The following KIRREL3 variants were observed in gnomAD, a reference collection of about 807,000 sequenced individuals.
The protein encoded by KIRREL3 is kirre like nephrin family adhesion molecule 3, also known as kin of IRRE-like protein 3.
Under a neutral mutation model 89.7 loss-of-function variants are expected in KIRREL3, and 36 were observed. That is an observed-to-expected ratio of 0.40 (90% CI 0.31 to 0.53). The LOEUF is 0.53. KIRREL3 is among the 20% of genes least tolerant of loss of function. KIRREL3 has a pLI of 0.49. For missense variants in KIRREL3, 864 were observed against 1,056.6 expected, an observed-to-expected ratio of 0.82 and a Z score of 2.53; for synonymous variants, 445 against 441.4, an observed-to-expected ratio of 1.01 and a Z score of -0.10.
At chr11:126,483,186 A>C (rs1366180391) in intron 4 of KIRREL3, among the ~76,000 whole-genome samples, 1 of 152,166 alleles carries the variant, frequency 6.6e-6, no homozygotes. Flanking sequence ...AGGCCTTGCT[A>C]AGTTCTTCTG....
At position 126,615,887 on chromosome 11, in the gene KIRREL3, A is replaced by T. The variant is rs531048538; in HGVS notation, c.56-52975T>A. 6.6e-6 allele frequency among the ~76,000 whole-genome samples: 1 copy of T among 152,176 alleles called. No homozygotes were observed. Among genetic ancestry groups the T allele is most frequent in the Non-Finnish European group, 1.5e-5 (1 of 68,028 alleles). ...CTTGCCTGCATTAAGCCTTTTGGTC[A>T]TATGTCTGGGGAGCAGACTTCTTTG... On this transcript the variant is annotated intron_variant, in intron 1 of 16. Coordinates refer to ENST00000525144, the MANE Select transcript of KIRREL3 (RefSeq NM_032531.4). This position sits in a 1 kb window ranked among gnomAD's most constrained non-coding sequence, Gnocchi z 5.4.
rs1433223558 is a variant in KIRREL3 at position 126,987,826 on chromosome 11, T to C, written c.55+12629A>G. Among the ~76,000 whole-genome samples the C allele has an allele frequency of 6.6e-6, 1 of 152,252 alleles. No homozygotes were observed. Among genetic ancestry groups the C allele is most frequent in the East Asian group, 1.9e-4 (1 of 5,202 alleles). On this transcript the variant is annotated intron_variant, in intron 1 of 16. Coordinates refer to ENST00000525144, the MANE Select transcript of KIRREL3 (RefSeq NM_032531.4). The surrounding 1 kb of genome is among the most constrained non-coding windows in gnomAD (Gnocchi z 4.6). ...TTTGCTAGTTTATCATAAGTGTCTA[T>C]CTTAAACCAATATTACAATTTTAAG... is the stretch of plus-strand genomic sequence containing the variant.
At chr11:126,895,319 C>T (rs1946105815) in intron 1 of KIRREL3, among the ~76,000 whole-genome samples, 1 of 151,728 alleles carries the variant, frequency 6.6e-6, no homozygotes, top group Non-Finnish European at 1.5e-5. Flanking sequence ...AAAAATTAGC[C>T]AGGCATGGTG....
chr11:126,503,982 A>G (rs1394463565), intron 4 of KIRREL3, among the ~76,000 whole-genome samples: 1 of 152,212 alleles, frequency 6.6e-6, no homozygotes, highest in African/African-American at 2.4e-5. Flanking sequence ...AGTATTTGTT[A>G]TAGCAGCCTG....
intron 1 of KIRREL3, among the ~76,000 whole-genome samples, chr11:126,698,219 G>A (rs1219273714): frequency 6.6e-6 from 1 of 152,124 alleles, no homozygotes; most frequent in African/African-American, 2.4e-5. Flanking sequence ...CTATCAGCAG[G>A]TTTTTTACTG....
At chr11:126,467,643 T>A (rs10893513) in intron 5 of KIRREL3, among the ~76,000 whole-genome samples, 55,678 of 149,248 alleles carry the variant, frequency 0.37, 11,142 homozygotes, top group East Asian at 0.53. Context: ...TTTTTTTTTT[T>A]TAAAAAATCA....
chr11:126,589,227 A>C (rs528698504), intron 1 of KIRREL3, among the ~76,000 whole-genome samples: 139 of 152,362 alleles, frequency 9.1e-4, no homozygotes, highest in Admixed American at 2.2e-3. Context: ...ACACAATGGC[A>C]GATGAAGGGC....
intron 10 of KIRREL3, chr11:126,440,855 T>A (rs1955537346): frequency 2.2e-6 from 1 of 447,396 alleles, no homozygotes; most frequent in Non-Finnish European, 4.1e-6. Context: ...GCTAACCGAC[T>A]TCAGAGGAGA....
At chr11:126,440,969 A>T (rs1419251160) in intron 10 of KIRREL3, 1 of 207,678 alleles carries the variant, frequency 4.8e-6, no homozygotes, top group South Asian at 7.0e-5. Flanking sequence ...CCCCCGCCTC[A>T]GCCAGCGGCA....
At position 126,454,390 on chromosome 11, in the gene KIRREL3, AGAAACGAAAGTC is replaced by A. The variant is rs562916254; in HGVS notation, c.848+1947_848+1958del. On this transcript the variant is annotated intron_variant, in intron 7 of 16. Transcript: ENST00000525144. This position sits in a 1 kb window ranked among gnomAD's most constrained non-coding sequence, Gnocchi z 5.8. ...AGGTGACCAGAGCCTGGCAGTGAGG[AGAAACGAAAGTC>A]GAAAGTTGTGTGTCCTGGTCTCTGG... 6.6e-5 allele frequency among the ~76,000 whole-genome samples: 10 copies of A among 152,154 alleles called. No individual in the cohort carries two copies. In the East Asian group the frequency reaches 1.9e-3, roughly 30 times the overall value.
At chr11:126,779,524 T>C (rs1357078422) in intron 1 of KIRREL3, among the ~76,000 whole-genome samples, 6 of 152,152 alleles carry the variant, frequency 3.9e-5, no homozygotes, top group Admixed American at 3.3e-4. Context: ...TCTTGCCCAA[T>C]CATTATAACA....
At chr11:126,915,109 A>G (rs1184818575) in intron 1 of KIRREL3, among the ~76,000 whole-genome samples, 1 of 152,228 alleles carries the variant, frequency 6.6e-6, no homozygotes, top group Non-Finnish European at 1.5e-5. Flanking sequence ...TTCACCAGGC[A>G]TCTCAAATAC....
chr11:126,877,637 C>T lies in KIRREL3; in HGVS notation c.55+122818G>A, dbSNP rs958769363. 2.6e-5 allele frequency among the ~76,000 whole-genome samples: 4 copies of T among 152,128 alleles called. No individual in the cohort carries two copies. The highest frequency in any genetic ancestry group is 6.5e-5 in the Admixed American group (1 of 15,278). ...ACTTGGCTTATTTGAAAAATTATCC[C>T]GTTTTATCAATTTTATTTGGCTAGC... On this transcript the variant is annotated intron_variant, in intron 1 of 16. Transcript: ENST00000525144. This position sits in a 1 kb window ranked among gnomAD's most constrained non-coding sequence, Gnocchi z 4.9.
intron 1 of KIRREL3, among the ~76,000 whole-genome samples, chr11:126,974,593 C>A (rs1949517743): frequency 6.8e-6 from 1 of 146,736 alleles, no homozygotes; most frequent in African/African-American, 2.5e-5. Flanking sequence ...ATGGTATAGC[C>A]CGTTACACAC....
In KIRREL3 at chr11:126,668,693, T is replaced by TTTTG. The variant is rs1945778275; in HGVS notation, c.56-105782_56-105781insCAAA. 1.6e-5 allele frequency among the ~76,000 whole-genome samples: 2 copies of TTTTG among 126,596 alleles called. No individual in the cohort carries two copies. Among genetic ancestry groups the TTTTG allele is most frequent in the African/African-American group, 3.1e-5 (1 of 32,454 alleles). 83.1% of individuals were successfully genotyped at this position (126,596 alleles called of 152,430 possible). On this transcript the variant is annotated intron_variant, in intron 1 of 16. Transcript: ENST00000525144. The surrounding 1 kb of genome is among the most constrained non-coding windows in gnomAD (Gnocchi z 4.4). ...TAAAGAGCTGTTGGGAAGTTTCTGT[T>TTTTG]TTTCTTTCTTTCTTTCTTTCTTTCT...
In KIRREL3 at chr11:126,531,915, C is replaced by T. The variant is rs938824925; in HGVS notation, c.134-5228G>A. Among the ~76,000 whole-genome samples the T allele has an allele frequency of 1.3e-5, 2 of 152,156 alleles. No homozygotes were observed. The highest frequency in any genetic ancestry group is 2.9e-5 in the Non-Finnish European group (2 of 68,040). On this transcript the variant is annotated intron_variant, in intron 2 of 16. Coordinates refer to ENST00000525144, the MANE Select transcript of KIRREL3 (RefSeq NM_032531.4). The surrounding 1 kb of genome is among the most constrained non-coding windows in gnomAD (Gnocchi z 4.7). Reference sequence around the variant, plus strand: ...CCTGCTCTGGTTGGTCTGCTGAGATCGGTGGTCACTACAGGAAAATTGCTT... The same window carrying T: ...CCTGCTCTGGTTGGTCTGCTGAGATTGGTGGTCACTACAGGAAAATTGCTT...
rs11220550 is a variant in KIRREL3 at position 126,594,720 on chromosome 11, C to A, written c.56-31808G>T. Among the ~76,000 whole-genome samples the A allele has an allele frequency of 0.12, 17,973 of 152,148 alleles. 1,091 individuals are homozygous for A. The highest frequency in any genetic ancestry group is 0.2 in the East Asian group (1,041 of 5,152). ...ATGCTCCTGGCCAACTCTCCTCTGT[C>A]CAGCCGCAGGTCCTCATAGAAAGGC... On this transcript the variant is annotated intron_variant, in intron 1 of 16. Transcript: ENST00000525144. The surrounding 1 kb of genome is among the most constrained non-coding windows in gnomAD (Gnocchi z 5.0).
chr11:126,692,420 C>G (rs148937594), intron 1 of KIRREL3, among the ~76,000 whole-genome samples: 1,700 of 151,750 alleles, frequency 0.011, 22 homozygotes, highest in African/African-American at 0.039. Flanking sequence ...TGGCACACAC[C>G]TGTAGTCTCA....
rs565479684 is a variant in KIRREL3 at position 126,896,814 on chromosome 11, C to G, written c.55+103641G>C. 2.0e-5 allele frequency among the ~76,000 whole-genome samples: 3 copies of G among 152,306 alleles called. No individual in the cohort carries two copies. In the East Asian group the frequency reaches 5.8e-4, roughly 29 times the overall value. On this transcript the variant is annotated intron_variant, in intron 1 of 16. Transcript: ENST00000525144. This position sits in a 1 kb window ranked among gnomAD's most constrained non-coding sequence, Gnocchi z 4.1. The stretch of plus-strand genomic sequence containing the variant: ...ACTATGTAACTGCTCAGATCTTACC[C>G]AAGCGCGTGTTCTCCTCTTTCATAG...
Sources: allele counts gnomAD v4.1 joint callset (sites outside exome capture counted in the v4.1 genomes callset), GRCh38; gene constraint gnomAD v4.1.1; non-coding constraint Gnocchi (gnomAD v3.1); transcripts MANE v1.5; gene names NCBI Gene and HGNC (gene_info 2026-07-23, HGNC 2026-07-21).